Variants in LRFN5 observed in about 807,000 individuals in gnomAD.
The protein encoded by LRFN5 is leucine-rich repeat and fibronectin type-III domain-containing protein 5.
A neutral mutation model predicts 45.6 loss-of-function variants in LRFN5; 24 were observed. The ratio of observed to expected loss-of-function variants is 0.53; its 90% CI spans 0.38 to 0.74. The LOEUF (loss-of-function observed/expected upper bound fraction) is 0.74, where lower values mean the gene tolerates loss of function less well. Among genes scored for constraint, LRFN5 ranks in the 30% least tolerant of loss-of-function variants. The probability of loss-of-function intolerance (pLI) is 0.00; values close to 1 mark genes in which losing one functional copy is unlikely to be tolerated. For missense variants in LRFN5, 776 were observed against 861.5 expected (o/e 0.90, Z 1.24); for synonymous variants, 340 against 313.8 (o/e 1.08, Z -0.88).
At chr14:41,776,407 T>C (rs1886294737) in intron 2 of LRFN5, among the ~76,000 whole-genome samples, 1 of 152,098 alleles carries the variant, frequency 6.6e-6, no homozygotes, top group Non-Finnish European at 1.5e-5. Flanking sequence ...TCCTGAGTCT[T>C]ATTTGGTGTG....
At chr14:41,836,328 A>G (rs149841612) in intron 2 of LRFN5, among the ~76,000 whole-genome samples, 32 of 152,358 alleles carry the variant, frequency 2.1e-4, no homozygotes, top group African/African-American at 7.2e-4. Context: ...ATCTTAGCAA[A>G]TAAAGATTAT....
At chr14:41,749,764 T>G (rs1444577388) in intron 1 of LRFN5, among the ~76,000 whole-genome samples, 28 of 152,098 alleles carry the variant, frequency 1.8e-4, no homozygotes, top group Admixed American at 1.8e-3. Context: ...CCATGACACA[T>G]GTTTACCTGT....
chr14:41,891,681 C>G lies in LRFN5; in HGVS notation c.1817C>G (p.Thr606Ser). 1 of 1,614,172 alleles carries G rather than the reference C, an allele frequency of 6.2e-7. No homozygotes were observed. The highest frequency in any genetic ancestry group is 8.5e-7 in the Non-Finnish European group (1 of 1,180,032). The part of the protein sequence containing the change: ...HEENAQCCKA[T>S]SDNVIQSSET... The stretch of plus-strand genomic sequence containing the variant: ...GAGAATGCCCAGTGTTGTAAAGCTA[C>G]CAGTGACAATGTGATTCAATCTTCA... The change falls in exon 4 of 6, where the codon ACC becomes AGC. Residue 606 changes from threonine (T) to serine (S), a missense_variant. By Grantham distance (58) the Thr-to-Ser change is moderately conservative. Around this residue, in one of 2 missense-constraint regions of LRFN5, gnomAD observed 465 missense variants for 456.4 expected, o/e 1.02. Transcript: ENST00000298119.
intron 1 of LRFN5, among the ~76,000 whole-genome samples, chr14:41,741,692 G>A (rs530276783): frequency 1.3e-5 from 2 of 151,672 alleles, no homozygotes; most frequent in South Asian, 4.1e-4. Flanking sequence ...AAAATAGACA[G>A]AGGATATTGC....
chr14:41,890,068 C>G (rs774516190), intron 3 of LRFN5, among the ~76,000 whole-genome samples: 3 of 152,120 alleles, frequency 2.0e-5, no homozygotes, highest in Admixed American at 6.5e-5. Context: ...TTCACCGTAT[C>G]GGTCAGGCTG....
chr14:41,850,756 G>T (rs1031673729), intron 2 of LRFN5, among the ~76,000 whole-genome samples: 10 of 151,814 alleles, frequency 6.6e-5, no homozygotes, highest in Non-Finnish European at 1.5e-4. Flanking sequence ...TATTTTTGCA[G>T]TACATTCCAG....
intron 1 of LRFN5, among the ~76,000 whole-genome samples, chr14:41,675,102 G>T (rs1195042078): frequency 6.6e-6 from 1 of 151,278 alleles, no homozygotes. Context: ...GGGCAGAGAC[G>T]CTCCTCACTT....
chr14:41,875,319 C>T (rs1890151972), intron 2 of LRFN5, among the ~76,000 whole-genome samples: 1 of 152,266 alleles, frequency 6.6e-6, no homozygotes, highest in Admixed American at 6.5e-5. Flanking sequence ...ACTCCAAACT[C>T]CTGCTGTTCC....
chr14:41,621,683 T>C (rs1888142030), intron 1 of LRFN5, among the ~76,000 whole-genome samples: 3 of 152,126 alleles, frequency 2.0e-5, no homozygotes, highest in Non-Finnish European at 4.4e-5. Flanking sequence ...TAGCAGGATG[T>C]GAAAAACTCA....
intron 1 of LRFN5, among the ~76,000 whole-genome samples, chr14:41,723,203 C>T (rs540449228): frequency 3.3e-5 from 5 of 152,042 alleles, no homozygotes; most frequent in Non-Finnish European, 5.9e-5. Flanking sequence ...TGGAAATCTG[C>T]GTGGATGTGA....
intron 2 of LRFN5, among the ~76,000 whole-genome samples, chr14:41,820,810 T>C (rs1230441301): frequency 6.6e-6 from 1 of 151,944 alleles, no homozygotes; most frequent in Non-Finnish European, 1.5e-5. Context: ...ATTTTATAGT[T>C]TTAATTGTAC....
intron 2 of LRFN5, among the ~76,000 whole-genome samples, chr14:41,815,077 T>C (rs1447189062): frequency 6.6e-6 from 1 of 152,114 alleles, no homozygotes; most frequent in Non-Finnish European, 1.5e-5. Context: ...TGTTGTTGAG[T>C]TCAACTAGGT....
At chr14:41,825,258 C>T (rs1375342983) in intron 2 of LRFN5, among the ~76,000 whole-genome samples, 7 of 152,178 alleles carry the variant, frequency 4.6e-5, no homozygotes. Flanking sequence ...TTGCGCCAAG[C>T]CCCTGGGAGA....
At chr14:41,894,725 T>C (rs1277759175) in intron 4 of LRFN5, 1 of 984,818 alleles carries the variant, frequency 1.0e-6, no homozygotes, top group Non-Finnish European at 1.2e-6. Flanking sequence ...GATGAATGAA[T>C]GAGTAAATGA....
intron 1 of LRFN5, among the ~76,000 whole-genome samples, chr14:41,633,316 T>TA (rs1198260407): frequency 3.9e-5 from 6 of 152,148 alleles, no homozygotes; most frequent in Non-Finnish European, 1.5e-5. Context: ...TTCAGAATGT[T>TA]AAAAAATTTC....
intron 1 of LRFN5, among the ~76,000 whole-genome samples, chr14:41,755,881 C>T (rs1885351951): frequency 6.6e-6 from 1 of 152,174 alleles, no homozygotes; most frequent in South Asian, 2.1e-4. Flanking sequence ...TACAATTTGG[C>T]ATGATTTTGC....
At chr14:41,768,826 A>G (rs1039688242) in intron 2 of LRFN5, among the ~76,000 whole-genome samples, 13 of 152,174 alleles carry the variant, frequency 8.5e-5, no homozygotes, top group Non-Finnish European at 1.5e-5. Flanking sequence ...AGTGTAAATC[A>G]CAAAACAAAG....
At chr14:41,855,899 A>G (rs1441645172) in intron 2 of LRFN5, among the ~76,000 whole-genome samples, 1 of 152,230 alleles carries the variant, frequency 6.6e-6, no homozygotes, top group Non-Finnish European at 1.5e-5. Context: ...GTTAGTATAC[A>G]TATATTAGTG....
chr14:41,750,457 A>G (rs1205125274), intron 1 of LRFN5, among the ~76,000 whole-genome samples: 2 of 151,922 alleles, frequency 1.3e-5, no homozygotes, highest in African/African-American at 4.8e-5. Flanking sequence ...ATGAGAGCAA[A>G]TGATAACTGT....
Sources: allele counts gnomAD v4.1 joint callset (sites outside exome capture counted in the v4.1 genomes callset), GRCh38; gene constraint gnomAD v4.1.1; regional missense constraint gnomAD v4.1.1; transcripts MANE v1.5; gene names NCBI Gene and HGNC (gene_info 2026-07-23, HGNC 2026-07-21).